The following MAP3K15 variants were observed in gnomAD, a reference collection of about 807,000 sequenced individuals.
MAP3K15 encodes the protein mitogen-activated protein kinase kinase kinase 15.
Under a neutral mutation model 99.5 loss-of-function variants are expected in MAP3K15, and 124 were observed. That is an observed-to-expected ratio of 1.25 (90% confidence interval 1.08 to 1.45). MAP3K15 has a LOEUF of 1.45. Ranked by LOEUF, MAP3K15 falls within the 40% of genes most tolerant of loss-of-function variation. The probability of loss-of-function intolerance (pLI) is 0.00; values close to 1 mark genes in which losing one functional copy is unlikely to be tolerated. For synonymous variants in MAP3K15, 494 were observed against 439.6 expected (o/e 1.12, Z -1.55); for missense variants, 1,242 against 1,079.7 (o/e 1.15, Z -2.11).
intron 11 of MAP3K15, 121 bp from the exon 12 acceptor site, chrX:19,410,094 G>A (rs2063675922): frequency 2.0e-6 from 1 of 512,392 alleles, no homozygotes; most frequent in Non-Finnish European, 3.3e-6. Flanking sequence ...TTTTTTACGG[G>A]TTACAGCAAT....
intron 1 of MAP3K15, among the ~76,000 whole-genome samples, chrX:19,498,717 G>A (rs1340018564): frequency 1.8e-5 from 2 of 112,147 alleles, no homozygotes; most frequent in African/African-American, 3.2e-5. Flanking sequence ...GGCACTCATC[G>A]TGGGGCAAGA....
chrX:19,460,178 C>T, intron 4 of MAP3K15, 25 bp from the exon 5 acceptor site: 1 of 1,116,012 alleles, frequency 9.0e-7, no homozygotes, highest in Non-Finnish European at 1.2e-6. Context: ...ACACAAAATC[C>T]TCCAGTCACA....
At chrX:19,456,861 C>T in intron 6 of MAP3K15, 52 bp downstream of exon 6, 1 of 927,184 alleles carries the variant, frequency 1.1e-6, no homozygotes, top group Non-Finnish European at 1.5e-6. Flanking sequence ...GAAGGAAGCA[C>T]AATTCAATGG....
At chrX:19,476,224 C>T (rs5909120) in intron 3 of MAP3K15, among the ~76,000 whole-genome samples, 2,634 of 111,875 alleles carry the variant, frequency 0.024, 40 homozygotes, top group Middle Eastern at 0.06. Context: ...TAGAAAGCCA[C>T]TTAACACTAC....
At chrX:19,426,480 C>T in intron 7 of MAP3K15, 137 bp from the exon 8 acceptor site, 1 of 349,713 alleles carries the variant, frequency 2.9e-6, no homozygotes, top group East Asian at 5.1e-5. Flanking sequence ...CCCACCACCA[C>T]CTTTACCAAC....
At chrX:19,424,697 T>C (rs1163365971) in intron 9 of MAP3K15, among the ~76,000 whole-genome samples, 2 of 110,845 alleles carry the variant, frequency 1.8e-5, no homozygotes, top group African/African-American at 6.6e-5. Flanking sequence ...CCAGGCTGGA[T>C]TGCAGTTGTG....
intron 3 of MAP3K15, among the ~76,000 whole-genome samples, chrX:19,467,633 G>A: frequency 9.3e-6 from 1 of 107,214 alleles, no homozygotes; most frequent in Non-Finnish European, 1.9e-5. Context: ...CAGGTGTGGT[G>A]GCAGGCGCCT....
At chrX:19,368,842 T>G (rs2063353803) in intron 25 of MAP3K15, among the ~76,000 whole-genome samples, 1 of 76,558 alleles carries the variant, frequency 1.3e-5, no homozygotes, top group Admixed American at 1.3e-4. Context: ...TGATTCTGAG[T>G]TTTTTTTTTT....
At chrX:19,389,931 G>A (rs756873481) in intron 18 of MAP3K15, among the ~76,000 whole-genome samples, 1 of 112,002 alleles carries the variant, frequency 8.9e-6, no homozygotes, top group Admixed American at 9.5e-5. Flanking sequence ...AGATGTATAC[G>A]TATATTTATA....
At chrX:19,450,869 A>G (rs1177698392) in intron 6 of MAP3K15, among the ~76,000 whole-genome samples, 2 of 79,136 alleles carry the variant, frequency 2.5e-5, no homozygotes, top group African/African-American at 8.7e-5. Flanking sequence ...TGCTCAGAAG[A>G]TAAGATGGTT....
intron 3 of MAP3K15, among the ~76,000 whole-genome samples, chrX:19,485,820 G>C (rs1287017217): frequency 1.8e-5 from 2 of 111,425 alleles, no homozygotes; most frequent in African/African-American, 6.5e-5. Context: ...CCATAGGTCT[G>C]GAGGGATGGG....
At chrX:19,399,716 G>A (rs1400698377) in intron 14 of MAP3K15, among the ~76,000 whole-genome samples, 11 of 82,547 alleles carry the variant, frequency 1.3e-4, no homozygotes, top group Middle Eastern at 0.011. Flanking sequence ...TCCAGCCTCA[G>A]CAACAGCGTG....
At chrX:19,455,513 A>AT (rs755405077) in intron 6 of MAP3K15, among the ~76,000 whole-genome samples, 3,389 of 65,695 alleles carry the variant, frequency 0.052, 432 homozygotes, top group African/African-American at 0.18. Flanking sequence ...TGCCTGGCTA[A>AT]TTTTTTTTTT....
intron 6 of MAP3K15, among the ~76,000 whole-genome samples, chrX:19,435,140 C>T (rs1035700884): frequency 9.0e-6 from 1 of 111,519 alleles, no homozygotes; most frequent in Admixed American, 9.6e-5. Context: ...TGAGGCACAA[C>T]ATTTCTACAT....
At chrX:19,369,328 G>T in intron 24 of MAP3K15, 109 bp from the exon 25 acceptor site, 1 of 865,242 alleles carries the variant, frequency 1.2e-6, no homozygotes, top group Non-Finnish European at 1.7e-6. Context: ...GGCCCAGCCC[G>T]TGCCATGCTC....
At chrX:19,420,649 T>C (rs1251952629) in intron 9 of MAP3K15, among the ~76,000 whole-genome samples, 9 of 111,254 alleles carry the variant, frequency 8.1e-5, no homozygotes, top group African/African-American at 2.0e-4. Flanking sequence ...TTCCAATCAA[T>C]AGAAAAAGAG....
chrX:19,382,041 T>C (rs945814944), intron 18 of MAP3K15, among the ~76,000 whole-genome samples: 3 of 110,931 alleles, frequency 2.7e-5, no homozygotes, highest in Middle Eastern at 4.7e-3. Context: ...GGTCAGAAGT[T>C]CGAGACCAGC....
intron 18 of MAP3K15, among the ~76,000 whole-genome samples, chrX:19,390,308 T>C (rs184222526): frequency 0.092 from 7,660 of 83,642 alleles, 345 homozygotes; most frequent in Non-Finnish European, 0.13. Flanking sequence ...TTTTTCTTTT[T>C]TTTTTTTTTT....
intron 21 of MAP3K15, 98 bp from the exon 22 acceptor site, chrX:19,372,925 C>A: frequency 1.2e-6 from 1 of 829,284 alleles, no homozygotes; most frequent in Non-Finnish European, 1.7e-6. Context: ...TGAGAGGTAA[C>A]TGCGATGCAG....
Sources: allele counts gnomAD v4.1 joint callset (sites outside exome capture counted in the v4.1 genomes callset), GRCh38; gene constraint gnomAD v4.1.1; transcripts MANE v1.5; gene names NCBI Gene and HGNC (gene_info 2026-07-23, HGNC 2026-07-21).